SLIT3: variants seen among roughly 807,000 people sequenced by gnomAD.
SLIT3 encodes slit guidance ligand 3, also known as slit homolog 3 protein.
Under a neutral mutation model 184.0 loss-of-function variants are expected in SLIT3, and 68 were observed. The observed-to-expected ratio is 0.37, with a 90% CI of 0.30 to 0.45. SLIT3 has a LOEUF of 0.45. Ranked by LOEUF, SLIT3 falls within the 20% of genes least tolerant of loss-of-function variation. The pLI is 1.00. For synonymous variants in SLIT3, 831 were observed against 828.6 expected (o/e 1.00, Z -0.05); for missense variants, 1,707 against 2,026.0 (o/e 0.84, Z 3.02).
intron 16 of SLIT3, among the ~76,000 whole-genome samples, chr5:168,757,104 A>G (rs11745138): frequency 0.065 from 9,902 of 152,268 alleles, 461 homozygotes; most frequent in Non-Finnish European, 0.099. Context: ...CACTCCAGAA[A>G]CAAAACAAGT....
At chr5:169,082,232 C>A (rs1759096085) in intron 4 of SLIT3, among the ~76,000 whole-genome samples, 1 of 152,198 alleles carries the variant, frequency 6.6e-6, no homozygotes, top group Admixed American at 6.5e-5. Flanking sequence ...TATGCCAAGT[C>A]TAAAGCCTTC....
At position 169,004,514 on chromosome 5, in the gene SLIT3, G is replaced by A. The variant is rs142533477; in HGVS notation, c.414-121178C>T. ...AGCGCTGAGTATGATACTGCTCAGC[G>A]TGATGCAGAGAGGAGAGAAGGGGCT... On this transcript the variant is annotated intron_variant, in intron 4 of 35. Transcript: ENST00000519560. 2.9e-3 allele frequency among the ~76,000 whole-genome samples: 436 copies of A among 152,266 alleles called. 4 individuals carry two copies. The highest frequency in any genetic ancestry group is 0.024 in the Middle Eastern group (7 of 294).
rs1305766716 is a variant in SLIT3 at position 168,721,652 on chromosome 5, A to C, written c.2483+604T>G. On this transcript the variant is annotated intron_variant, in intron 23 of 35. Coordinates refer to ENST00000519560, the MANE Select transcript of SLIT3 (RefSeq NM_003062.4). ...CGGCCAGGTCTCTCAATTTTCCAAA[A>C]GAATATAGAGAGTGGGATTTGTGGA... is the stretch of plus-strand genomic sequence containing the variant. Among the ~76,000 whole-genome samples the C allele has an allele frequency of 2.6e-5, 4 of 152,234 alleles. No homozygotes were observed. In the East Asian group the frequency reaches 7.7e-4, roughly 29 times the overall value.
chr5:168,777,570 A>G (rs1262772637), intron 12 of SLIT3, among the ~76,000 whole-genome samples: 1 of 152,136 alleles, frequency 6.6e-6, no homozygotes, highest in East Asian at 1.9e-4. Context: ...TACTTCAAAT[A>G]TGTAAGGCAT....
chr5:168,865,465 G>A (rs369276461), intron 5 of SLIT3, among the ~76,000 whole-genome samples: 1 of 152,230 alleles, frequency 6.6e-6, no homozygotes, highest in East Asian at 1.9e-4. Flanking sequence ...ACTACGCTAA[G>A]TGAAAGATGT....
At chr5:168,704,112 A>C (rs906024294) in intron 26 of SLIT3, among the ~76,000 whole-genome samples, 5 of 151,916 alleles carry the variant, frequency 3.3e-5, no homozygotes, top group African/African-American at 1.2e-4. Context: ...AAAAAAATGC[A>C]CACTCTCAGG....
intron 16 of SLIT3, among the ~76,000 whole-genome samples, chr5:168,755,397 CT>C (rs1210884314): frequency 1.4e-4 from 2 of 14,796 alleles, no homozygotes; most frequent in South Asian, 1.9e-3. Context: ...CCATTTCTTT[CT>C]TTCTTTCTTT....
At chr5:168,835,957 C>T (rs1221978200) in intron 6 of SLIT3, among the ~76,000 whole-genome samples, 1 of 152,226 alleles carries the variant, frequency 6.6e-6, no homozygotes, top group Admixed American at 6.5e-5. Context: ...TCACCTGGTC[C>T]ATCCCTTACT....
chr5:169,273,817 T>G (rs1766712707), intron 1 of SLIT3, among the ~76,000 whole-genome samples: 1 of 152,212 alleles, frequency 6.6e-6, no homozygotes, highest in Admixed American at 6.5e-5. Context: ...CAGAAGGTCC[T>G]TAGTGTGAAA....
intron 4 of SLIT3, among the ~76,000 whole-genome samples, chr5:169,143,654 A>C (rs1237389097): frequency 6.6e-6 from 1 of 152,180 alleles, no homozygotes; most frequent in Non-Finnish European, 1.5e-5. Context: ...ACAAAAAATT[A>C]GTCGGGCATT....
chr5:168,891,114 C>A (rs1581183361), intron 4 of SLIT3, among the ~76,000 whole-genome samples: 1 of 152,280 alleles, frequency 6.6e-6, no homozygotes, highest in Admixed American at 6.5e-5. Context: ...TTCCTATCTT[C>A]ATGTTCTAGC....
intron 4 of SLIT3, among the ~76,000 whole-genome samples, chr5:169,103,380 AG>A (rs1371626417): frequency 6.6e-6 from 1 of 152,162 alleles, no homozygotes; most frequent in Non-Finnish European, 1.5e-5. Context: ...CCTCTGAGAA[AG>A]GGTTTGAAAA....
intron 4 of SLIT3, among the ~76,000 whole-genome samples, chr5:168,905,335 C>T (rs1761012450): frequency 6.6e-6 from 1 of 152,180 alleles, no homozygotes; most frequent in Admixed American, 6.5e-5. Context: ...AGTCAGAGGG[C>T]CTTTCTATTT....
At chr5:169,291,880 A>G (rs1010996519) in intron 1 of SLIT3, among the ~76,000 whole-genome samples, 2 of 152,178 alleles carry the variant, frequency 1.3e-5, no homozygotes, top group Non-Finnish European at 2.9e-5. Context: ...CACCTCTCTG[A>G]CGTAGTTGCC....
intron 4 of SLIT3, among the ~76,000 whole-genome samples, chr5:168,914,335 G>A (rs746732167): frequency 1.5e-4 from 23 of 152,276 alleles, no homozygotes; most frequent in South Asian, 1.0e-3. Context: ...AGGAAGGCCC[G>A]GAACTAGAGC....
At chr5:168,677,964 T>C (rs1006477970) in intron 32 of SLIT3, among the ~76,000 whole-genome samples, 16 of 152,156 alleles carry the variant, frequency 1.1e-4, no homozygotes, top group Non-Finnish European at 2.2e-4. Context: ...TTTGAGCCAC[T>C]CAGGGCTCTG....
intron 4 of SLIT3, among the ~76,000 whole-genome samples, chr5:169,139,523 C>A (rs1473772893): frequency 1.3e-5 from 2 of 152,138 alleles, no homozygotes; most frequent in Non-Finnish European, 2.9e-5. Flanking sequence ...AGGATTCATC[C>A]CAGGCCATCT....
intron 4 of SLIT3, among the ~76,000 whole-genome samples, chr5:168,941,986 C>T (rs1413142704): frequency 6.6e-6 from 1 of 152,170 alleles, no homozygotes; most frequent in African/African-American, 2.4e-5. Context: ...ACCTTTCCTC[C>T]AGCCACCACA....
chr5:169,080,531 C>T (rs1758990729), intron 4 of SLIT3, among the ~76,000 whole-genome samples: 1 of 152,156 alleles, frequency 6.6e-6, no homozygotes, highest in Non-Finnish European at 1.5e-5. Context: ...GGTTCCAGAG[C>T]CTGCCGGCAC....
Sources: allele counts gnomAD v4.1 joint callset (sites outside exome capture counted in the v4.1 genomes callset), GRCh38; gene constraint gnomAD v4.1.1; transcripts MANE v1.5; gene names NCBI Gene and HGNC (gene_info 2026-07-23, HGNC 2026-07-21).